Variants in CNBD1 observed in about 807,000 individuals in gnomAD.
CNBD1 encodes the protein cyclic nucleotide-binding domain-containing protein 1.
A neutral mutation model predicts 54.4 loss-of-function variants in CNBD1; 71 were observed. That is an observed-to-expected ratio of 1.30 (90% CI 1.08 to 1.59). The LOEUF (loss-of-function observed/expected upper bound fraction) is 1.59. Ranked by LOEUF, CNBD1 falls within the 40% of genes most tolerant of loss-of-function variation. The pLI is 0.00. For missense variants in CNBD1, 659 were observed against 518.0 expected (o/e 1.27, Z -2.64); for synonymous variants, 182 against 170.7 (o/e 1.07, Z -0.51).
intron 4 of CNBD1, among the ~76,000 whole-genome samples, chr8:86,985,594 C>G (rs985798927): frequency 6.6e-6 from 1 of 152,186 alleles, no homozygotes; most frequent in Non-Finnish European, 1.5e-5. Flanking sequence ...GCATAGTATT[C>G]CATGATGTGG....
At chr8:87,318,844 T>A (rs1229849174) in intron 8 of CNBD1, among the ~76,000 whole-genome samples, 2 of 152,014 alleles carry the variant, frequency 1.3e-5, no homozygotes, top group African/African-American at 4.8e-5. Flanking sequence ...GTGATATGAA[T>A]CACACCTTAG....
chr8:87,263,346 G>C (rs908897454), intron 6 of CNBD1, among the ~76,000 whole-genome samples: 1 of 151,796 alleles, frequency 6.6e-6, no homozygotes, highest in Non-Finnish European at 1.5e-5. Flanking sequence ...TAAATGAATT[G>C]TTTTTGCCCA....
rs141525213 is a variant in CNBD1, at chr8:87,251,371, C to G, written c.771+14259C>G. ...GGAGGCCAAGGCAGGTGGATTGCCT[C>G]AGGTCAGGAGCTTGAGACCAGTCTG... On this transcript the variant is annotated intron_variant, in intron 6 of 10. Transcript: ENST00000518476. Among the ~76,000 whole-genome samples the G allele has an allele frequency of 3.1e-3, 477 of 151,902 alleles. 2 individuals are homozygous for G. The highest frequency in any genetic ancestry group is 0.011 in the African/African-American group (445 of 41,452).
chr8:87,140,480 C>T (rs747496395), intron 4 of CNBD1, among the ~76,000 whole-genome samples: 1 of 152,070 alleles, frequency 6.6e-6, no homozygotes, highest in Non-Finnish European at 1.5e-5. Context: ...AAACCTTCAG[C>T]TTGCAGATGA....
intron 3 of CNBD1, among the ~76,000 whole-genome samples, chr8:86,921,952 C>G (rs114628017): frequency 0.015 from 2,216 of 152,002 alleles, 61 homozygotes; most frequent in African/African-American, 0.05. Context: ...TAGGGGGTGT[C>G]AGAGGAAGAC....
rs533085853 is a variant in CNBD1 at position 86,921,956 on chromosome 8, G to C, written c.272+16762G>C. Among the ~76,000 whole-genome samples the C allele has an allele frequency of 3.4e-3, 511 of 152,204 alleles. 1 individual carries two copies. The highest frequency in any genetic ancestry group is 5.7e-3 in the Non-Finnish European group (387 of 68,010). ...TAAGTGCAGTGTAGGGGGTGTCAGA[G>C]GAAGACTTCAGGGCAGGGGTAGTTG... On this transcript the variant is annotated intron_variant, in intron 3 of 10. Coordinates refer to ENST00000518476, the MANE Select transcript of CNBD1 (RefSeq NM_173538.3).
intron 4 of CNBD1, among the ~76,000 whole-genome samples, chr8:87,073,655 G>A (rs1434340120): frequency 6.6e-6 from 1 of 152,116 alleles, no homozygotes; most frequent in Non-Finnish European, 1.5e-5. Flanking sequence ...GCTGCAAAGT[G>A]GCAAAGATGG....
intron 4 of CNBD1, among the ~76,000 whole-genome samples, chr8:87,115,632 A>T (rs952252581): frequency 2.6e-5 from 4 of 152,188 alleles, no homozygotes; most frequent in African/African-American, 9.6e-5. Context: ...CATGGGAAAT[A>T]GTTCTTAAGG....
intron 8 of CNBD1, among the ~76,000 whole-genome samples, chr8:87,343,729 A>G (rs1563561849): frequency 6.6e-6 from 1 of 152,196 alleles, no homozygotes; most frequent in Admixed American, 6.5e-5. Flanking sequence ...ATTTTAAAAA[A>G]TATTAACTTA....
intron 8 of CNBD1, among the ~76,000 whole-genome samples, chr8:87,328,242 T>G (rs1028103718): frequency 6.6e-5 from 10 of 152,080 alleles, no homozygotes; most frequent in African/African-American, 2.4e-4. Flanking sequence ...TATATTTCCT[T>G]CATTGTTTAT....
chr8:87,258,196 AAT>A (rs944083701), intron 6 of CNBD1, among the ~76,000 whole-genome samples: 3 of 152,130 alleles, frequency 2.0e-5, no homozygotes, highest in Non-Finnish European at 4.4e-5. Context: ...AGGCCTATTA[AAT>A]ATGTTAAATG....
chr8:86,875,689 T>G (rs1043717853), intron 1 of CNBD1, among the ~76,000 whole-genome samples: 1 of 152,182 alleles, frequency 6.6e-6, no homozygotes, highest in African/African-American at 2.4e-5. Flanking sequence ...TTGCCTCTGG[T>G]GTTTCAACAT....
chr8:86,887,431 T>C (rs1044175041), intron 1 of CNBD1, 111 bp from the exon 2 acceptor site: 1 of 673,558 alleles, frequency 1.5e-6, no homozygotes, highest in African/African-American at 1.8e-5. Context: ...CTCACTTCCA[T>C]AGTCACTGAA....
chr8:87,265,360 A>T (rs1808231567), intron 6 of CNBD1, among the ~76,000 whole-genome samples: 2 of 152,000 alleles, frequency 1.3e-5, no homozygotes, highest in Admixed American at 6.6e-5. Flanking sequence ...ACTGGTCTAT[A>T]TCTCTGTTTT....
chr8:87,159,927 CTT>C (rs34423333), intron 4 of CNBD1, among the ~76,000 whole-genome samples: 3 of 146,818 alleles, frequency 2.0e-5, no homozygotes, highest in Admixed American at 6.9e-5. Flanking sequence ...AGATACATAG[CTT>C]TTTTTTTTTC....
At chr8:87,261,012 T>G (rs1429460881) in intron 6 of CNBD1, among the ~76,000 whole-genome samples, 1 of 152,144 alleles carries the variant, frequency 6.6e-6, no homozygotes, top group African/African-American at 2.4e-5. Flanking sequence ...TCCCTGTGAA[T>G]TTTTTAAAGC....
chr8:87,374,495 G>A (rs75402754), intron 10 of CNBD1, among the ~76,000 whole-genome samples: 2,892 of 151,784 alleles, frequency 0.019, 91 homozygotes, highest in African/African-American at 0.063. Context: ...TTCATTGCCC[G>A]TCTTTACATA....
intron 2 of CNBD1, among the ~76,000 whole-genome samples, chr8:87,425,314 G>T (rs560765415): frequency 6.6e-6 from 1 of 152,102 alleles, no homozygotes; most frequent in African/African-American, 2.4e-5. Context: ...GCCTTCTTCT[G>T]TCAGCTCGTC....
chr8:87,087,988 G>GA (rs1811136014), intron 4 of CNBD1, among the ~76,000 whole-genome samples: 1 of 152,006 alleles, frequency 6.6e-6, no homozygotes, highest in African/African-American at 2.4e-5. Context: ...TTGAAACAGA[G>GA]AAAAAAATTC....
Sources: allele counts gnomAD v4.1 joint callset (sites outside exome capture counted in the v4.1 genomes callset), GRCh38; gene constraint gnomAD v4.1.1; transcripts MANE v1.5; gene names NCBI Gene and HGNC (gene_info 2026-07-23, HGNC 2026-07-21).